PSMA3: variants seen among roughly 807,000 people sequenced by gnomAD.
PSMA3 encodes proteasome subunit alpha type-3.
In PSMA3, 8 loss-of-function variants were observed where a neutral mutation model predicts 40.0. The observed-to-expected ratio is 0.20, with a 90% CI of 0.12 to 0.36. The LOEUF is 0.36. Among genes scored for constraint, PSMA3 ranks in the 10% least tolerant of loss-of-function variants. PSMA3 has a pLI of 1.00. For synonymous variants in PSMA3, 110 were observed against 100.0 expected, an observed-to-expected ratio of 1.10 and a Z score of -0.59; for missense variants, 219 against 310.6, an observed-to-expected ratio of 0.70 and a Z score of 2.22.
At chr14:58,268,591 C>G (rs1890513820) in intron 8 of PSMA3, 1 of 152,204 alleles carries the variant, frequency 6.6e-6, no homozygotes, top group Non-Finnish European at 1.5e-5. Flanking sequence ...TGCAGCAGAG[C>G]TGCTAAGAAA....
intron 2 of PSMA3, among the ~76,000 whole-genome samples, chr14:58,249,612 G>A (rs780550272): frequency 2.2e-4 from 34 of 151,932 alleles, no homozygotes; most frequent in Non-Finnish European, 4.6e-4. Flanking sequence ...TCCTGGTCTC[G>A]AGCTATTCTC....
At chr14:58,265,372 A>G (rs1403160770) in intron 7 of PSMA3, 1 of 152,236 alleles carries the variant, frequency 6.6e-6, no homozygotes, top group African/African-American at 2.4e-5. Context: ...AAATCAAGAA[A>G]AAAAAATCAC....
chr14:58,249,959 C>T (rs529594282), intron 2 of PSMA3, among the ~76,000 whole-genome samples: 37 of 152,248 alleles, frequency 2.4e-4, no homozygotes, highest in African/African-American at 4.8e-4. Flanking sequence ...TGAGCCACGC[C>T]TGTAATCCTA....
chr14:58,252,281 A>G, intron 3 of PSMA3, 39 bp downstream of exon 3: 6 of 1,587,904 alleles, frequency 3.8e-6, no homozygotes, highest in South Asian at 1.2e-5. Flanking sequence ...TGTCTTGTCC[A>G]ATTTCTTTTG....
intron 5 of PSMA3, among the ~76,000 whole-genome samples, chr14:58,259,732 C>T (rs773767653): frequency 4.6e-5 from 7 of 152,284 alleles, no homozygotes; most frequent in Admixed American, 6.5e-5. Context: ...AATTAGGGAA[C>T]GGACTCTTTC....
intron 8 of PSMA3, among the ~76,000 whole-genome samples, chr14:58,269,392 T>C (rs1890544158): frequency 6.6e-6 from 1 of 152,044 alleles, no homozygotes; most frequent in South Asian, 2.1e-4. Context: ...AAGCTATAGG[T>C]TGAAGAGACC....
chr14:58,248,303 C>G (rs898706779), intron 2 of PSMA3, among the ~76,000 whole-genome samples: 2 of 152,230 alleles, frequency 1.3e-5, no homozygotes, highest in Non-Finnish European at 2.9e-5. Context: ...GATCTTGGCT[C>G]ACTGCAACCT....
chr14:58,251,450 T>G (rs1890008166), intron 2 of PSMA3, among the ~76,000 whole-genome samples: 1 of 152,100 alleles, frequency 6.6e-6, no homozygotes, highest in African/African-American at 2.4e-5. Context: ...CATGCCTGGC[T>G]AAGCCAGGTT....
chr14:58,259,304 C>CTTTT (rs200698615), intron 5 of PSMA3, among the ~76,000 whole-genome samples: 1 of 151,268 alleles, frequency 6.6e-6, no homozygotes, highest in Non-Finnish European at 1.5e-5. Flanking sequence ...TTTTTCATAA[C>CTTTT]TTTTTTTTTG....
chr14:58,261,855 G>A (rs1019437850), intron 6 of PSMA3, among the ~76,000 whole-genome samples: 1 of 152,002 alleles, frequency 6.6e-6, no homozygotes, highest in African/African-American at 2.4e-5. Context: ...GCCTTAAGCA[G>A]TCCTCCTGCC....
chr14:58,245,021 C>T, intron 1 of PSMA3, 80 bp downstream of exon 1: 1 of 1,597,606 alleles, frequency 6.3e-7, no homozygotes, highest in South Asian at 1.1e-5. Flanking sequence ...ACATGGGGTT[C>T]GCGGACCCGG....
intron 8 of PSMA3, 24 bp downstream of exon 8, chr14:58,267,544 T>A (rs773852241): frequency 6.4e-7 from 1 of 1,562,246 alleles, no homozygotes. Flanking sequence ...TTTCTTACCA[T>A]CCACAAAAAT....
chr14:58,257,370 C>T lies in PSMA3; in HGVS notation c.229-375C>T, dbSNP rs185075889. Among the ~76,000 whole-genome samples, 476 of 150,944 alleles carry T rather than the reference C, an allele frequency of 3.2e-3. 1 individual carries two copies. Among genetic ancestry groups the T allele is most frequent in the African/African-American group, 0.011 (453 of 41,166 alleles). On this transcript the variant is annotated intron_variant, in intron 3 of 10. Coordinates refer to ENST00000216455, the MANE Select transcript of PSMA3 (RefSeq NM_002788.4). ...AAAATTAGCCGGGCGTGGTGGCAGG[C>T]GCCTGTAGTCCCAGCTACTCAGGAG...
At chr14:58,253,160 T>C (rs1215047037) in intron 3 of PSMA3, among the ~76,000 whole-genome samples, 1 of 152,054 alleles carries the variant, frequency 6.6e-6, no homozygotes, top group African/African-American at 2.4e-5. Context: ...AATTTTTATA[T>C]TTTTAGTAAA....
chr14:58,260,535 T>C (rs951363516), intron 5 of PSMA3, among the ~76,000 whole-genome samples: 6 of 152,200 alleles, frequency 3.9e-5, no homozygotes, highest in African/African-American at 9.6e-5. Flanking sequence ...AGAGAAATGA[T>C]TGGCAGGATA....
chr14:58,256,416 CTTTTT>C (rs377353285), intron 3 of PSMA3, among the ~76,000 whole-genome samples: 1 of 136,642 alleles, frequency 7.3e-6, no homozygotes, highest in African/African-American at 2.7e-5. Flanking sequence ...TGAGCATTTC[CTTTTT>C]TTTTTTTTTT....
At chr14:58,271,139 G>A (rs1890606699) in intron 10 of PSMA3, 141 bp downstream of exon 10, 2 of 480,882 alleles carry the variant, frequency 4.2e-6, no homozygotes, top group South Asian at 5.4e-5. Context: ...CCAAAATTAT[G>A]TGTTGAATAA....
At chr14:58,261,248 T>TCA (rs1189688042) in intron 6 of PSMA3, among the ~76,000 whole-genome samples, 1 of 151,480 alleles carries the variant, frequency 6.6e-6, no homozygotes, top group African/African-American at 2.4e-5. Flanking sequence ...AGTGGTGTGA[T>TCA]CACAGCTCAC....
intron 2 of PSMA3, among the ~76,000 whole-genome samples, chr14:58,251,617 A>C (rs1890012408): frequency 6.6e-6 from 1 of 152,226 alleles, no homozygotes; most frequent in East Asian, 1.9e-4. Context: ...AGCAGAACAT[A>C]TATTTTATTT....
Sources: allele counts gnomAD v4.1 joint callset (sites outside exome capture counted in the v4.1 genomes callset), GRCh38; gene constraint gnomAD v4.1.1; transcripts MANE v1.5; gene names NCBI Gene and HGNC (gene_info 2026-07-23, HGNC 2026-07-21).